The following ANK1 variants were observed in gnomAD, a reference collection of about 807,000 sequenced individuals.
The protein encoded by ANK1 is ankyrin-1.
A neutral mutation model predicts 210.4 loss-of-function variants in ANK1; 51 were observed. The ratio of observed to expected loss-of-function variants is 0.24; its 90% CI spans 0.19 to 0.31. The LOEUF (loss-of-function observed/expected upper bound fraction) is 0.31. Among genes scored for constraint, ANK1 ranks in the 10% least tolerant of loss-of-function variants. The pLI is 1.00. For missense variants in ANK1, 2,051 were observed against 2,504.4 expected, an observed-to-expected ratio of 0.82 and a Z score of 3.86; for synonymous variants, 967 against 1,025.9, an observed-to-expected ratio of 0.94 and a Z score of 1.10.
chr8:41,760,318 T>C (rs1304963734), intron 1 of ANK1, among the ~76,000 whole-genome samples: 6 of 152,088 alleles, frequency 3.9e-5, no homozygotes, highest in Admixed American at 3.9e-4. Context: ...CCCATGAAAG[T>C]GAATAAGTCT....
At chr8:41,882,614 G>C (rs934296651) in intron 1 of ANK1, among the ~76,000 whole-genome samples, 2 of 152,228 alleles carry the variant, frequency 1.3e-5, no homozygotes, top group Admixed American at 6.5e-5. Flanking sequence ...TGGAAACTCA[G>C]AAACGGAAGA....
intron 1 of ANK1, among the ~76,000 whole-genome samples, chr8:41,837,009 G>T (rs1344872414): frequency 6.6e-6 from 1 of 152,062 alleles, no homozygotes; most frequent in Non-Finnish European, 1.5e-5. Flanking sequence ...TCTGTGGTCA[G>T]CAGTTGTGTG....
At chr8:41,777,966 G>A (rs1320853378) in intron 1 of ANK1, among the ~76,000 whole-genome samples, 1 of 152,124 alleles carries the variant, frequency 6.6e-6, no homozygotes, top group African/African-American at 2.4e-5. Context: ...CATTTCCTAA[G>A]GACAATCATT....
At chr8:41,719,613 C>T in intron 10 of ANK1, 48 bp downstream of exon 10, 1 of 1,611,920 alleles carries the variant, frequency 6.2e-7, no homozygotes, top group Middle Eastern at 1.8e-4. Context: ...CTCCTGCCCC[C>T]AGCCTGCCCT....
At chr8:41,696,812 C>T (rs184853098) in intron 24 of ANK1, 39 bp from the exon 25 acceptor site, 18 of 1,563,888 alleles carry the variant, frequency 1.2e-5, no homozygotes, top group Middle Eastern at 1.9e-4. Flanking sequence ...CCACCTCCTC[C>T]CGGGCCAGCT....
chr8:41,755,379 G>A (rs993506659), intron 2 of ANK1, among the ~76,000 whole-genome samples: 4 of 152,168 alleles, frequency 2.6e-5, no homozygotes, highest in South Asian at 2.1e-4. Context: ...TCTAACACAC[G>A]TTCAGTTGTC....
chr8:41,726,037 C>G lies in ANK1; in HGVS notation c.427-91G>C, dbSNP rs567332354. The G allele has an allele frequency of 5.0e-4, 714 of 1,419,276 alleles. 3 individuals carry two copies. The African/African-American group carries it at 9.0e-3, about 18-fold the overall frequency. 87.9% of individuals were successfully genotyped at this position (1,419,276 alleles called of 1,614,324 possible). The stretch of plus-strand genomic sequence containing the variant: ...CACCCTTGCCCCTCGGGCTTATGCT[C>G]CCAGCAGCCCCAGCCTGAGGGACCT... On this transcript the variant is annotated intron_variant, in intron 5 of 42. Coordinates refer to ENST00000289734, the MANE Select transcript of ANK1 (RefSeq NM_000037.4).
intron 1 of ANK1, among the ~76,000 whole-genome samples, chr8:41,827,973 C>G (rs1587259354): frequency 6.6e-6 from 1 of 152,048 alleles, no homozygotes; most frequent in Non-Finnish European, 1.5e-5. Context: ...GCCCCCGCCC[C>G]CCAACCCCCG....
intron 1 of ANK1, among the ~76,000 whole-genome samples, chr8:41,816,627 G>C (rs1803385851): frequency 6.6e-6 from 1 of 151,966 alleles, no homozygotes; most frequent in Non-Finnish European, 1.5e-5. Flanking sequence ...CAGGGTTCTT[G>C]CTATGTTGCC....
intron 5 of ANK1, among the ~76,000 whole-genome samples, chr8:41,726,372 A>C (rs557789834): frequency 5.3e-5 from 8 of 152,192 alleles, no homozygotes; most frequent in African/African-American, 1.9e-4. Flanking sequence ...TGATAATTCA[A>C]TTGTGAGCTA....
chr8:41,690,212 C>A lies in ANK1; in HGVS notation c.4104+15G>T. 6.2e-7 allele frequency: 1 copy of A among 1,614,126 alleles called. No individual in the cohort carries two copies. The highest frequency in any genetic ancestry group is 8.5e-7 in the Non-Finnish European group (1 of 1,180,050). ...GCCGTCTCGGGCCAAGGCTCCTCGG[C>A]AGGTGCCAGCTCACCTTGGCGCAGG... On this transcript the variant is annotated intron_variant, in intron 33 of 42. Transcript: ENST00000289734.
At chr8:41,743,246 G>A (rs905023145) in intron 2 of ANK1, among the ~76,000 whole-genome samples, 3 of 152,122 alleles carry the variant, frequency 2.0e-5, no homozygotes, top group Admixed American at 6.5e-5. Context: ...TGAAACTGAT[G>A]AGAATGAAAG....
At chr8:41,721,589 G>A (rs557916149) in intron 9 of ANK1, among the ~76,000 whole-genome samples, 3 of 150,420 alleles carry the variant, frequency 2.0e-5, no homozygotes, top group Admixed American at 6.6e-5. Context: ...CCTGTGAGGC[G>A]GAGGTTGCAG....
At chr8:41,844,414 G>A (rs972143539) in intron 1 of ANK1, among the ~76,000 whole-genome samples, 1 of 152,116 alleles carries the variant, frequency 6.6e-6, no homozygotes, top group Non-Finnish European at 1.5e-5. Flanking sequence ...AACAAGTAGA[G>A]AGGACACCCT....
intron 39 of ANK1, chr8:41,664,755 C>G: frequency 1.3e-6 from 2 of 1,535,876 alleles, no homozygotes; most frequent in South Asian, 1.2e-5. Context: ...TCAGCCCCGG[C>G]CTCCGGCGCC....
chr8:41,726,888 C>T (rs569629362), intron 5 of ANK1, among the ~76,000 whole-genome samples: 1 of 152,142 alleles, frequency 6.6e-6, no homozygotes, highest in African/African-American at 2.4e-5. Flanking sequence ...GAGACTTGTC[C>T]AAGGGTGCAT....
chr8:41,779,113 G>C (rs1844743650), intron 1 of ANK1, among the ~76,000 whole-genome samples: 1 of 152,158 alleles, frequency 6.6e-6, no homozygotes, highest in Non-Finnish European at 1.5e-5. Flanking sequence ...TAAGGCAGCA[G>C]CACCTGGACA....
chr8:41,700,295 G>T, intron 22 of ANK1: 2 of 967,126 alleles, frequency 2.1e-6, no homozygotes, highest in Non-Finnish European at 1.6e-6. Flanking sequence ...CCCTGGTTTA[G>T]CTGAGCTCCT....
chr8:41,752,824 C>G (rs1838095331), intron 2 of ANK1, among the ~76,000 whole-genome samples: 1 of 148,622 alleles, frequency 6.7e-6, no homozygotes, highest in Non-Finnish European at 1.5e-5. Flanking sequence ...CCGCTGGGCC[C>G]TCCGCCTGTT....
Sources: gnomAD v4.1 joint callset for allele counts (sites outside exome capture counted in the v4.1 genomes callset) on GRCh38, gnomAD v4.1.1 for gene constraint, MANE v1.5 for transcripts, NCBI Gene and HGNC (gene_info 2026-07-23, HGNC 2026-07-21) for gene names.